SCAF4: variants seen among roughly 807,000 people sequenced by gnomAD.
The protein encoded by SCAF4 is SR-related and CTD-associated factor 4.
In SCAF4, 25 loss-of-function variants were observed where a neutral mutation model predicts 129.8. The observed-to-expected ratio is 0.19, with a 90% CI of 0.14 to 0.27. SCAF4 has a LOEUF of 0.27. Among genes scored for constraint, SCAF4 ranks in the 10% least tolerant of loss-of-function variants. The pLI, the probability that SCAF4 is intolerant of heterozygous loss-of-function variation, is 1.00. For missense variants in SCAF4, 1,246 were observed against 1,457.1 expected (o/e 0.86, Z 2.36); for synonymous variants, 551 against 497.7 (o/e 1.11, Z -1.43).
intron 19 of SCAF4, among the ~76,000 whole-genome samples, chr21:31,673,585 G>C (rs1165171873): frequency 6.7e-6 from 1 of 149,066 alleles, no homozygotes; most frequent in Non-Finnish European, 1.5e-5. Flanking sequence ...CAATGAACAA[G>C]TACAGGACAC....
At chr21:31,679,518 C>A (rs1396673705) in intron 19 of SCAF4, among the ~76,000 whole-genome samples, 2 of 151,796 alleles carry the variant, frequency 1.3e-5, no homozygotes, top group African/African-American at 4.8e-5. Flanking sequence ...CTGAGAGCTG[C>A]GGAAAATGGA....
chr21:31,679,815 A>AG (rs1197773810), intron 19 of SCAF4, among the ~76,000 whole-genome samples: 2 of 152,244 alleles, frequency 1.3e-5, no homozygotes, highest in Admixed American at 6.5e-5. Context: ...AATGTACAGT[A>AG]GGCTCTGCAT....
chr21:31,721,214 C>A (rs1240185402), intron 1 of SCAF4, among the ~76,000 whole-genome samples: 1 of 152,098 alleles, frequency 6.6e-6, no homozygotes, highest in Non-Finnish European at 1.5e-5. Context: ...TAAAATATAT[C>A]CCTATATTTG....
chr21:31,685,146 C>A lies in SCAF4; in HGVS notation c.2391G>T (p.Glu797Asp). 6.2e-7 allele frequency: 1 copy of A among 1,613,138 alleles called. No individual in the cohort carries two copies. Among genetic ancestry groups the A allele is most frequent in the Non-Finnish European group, 8.5e-7 (1 of 1,179,802 alleles). ...CATACATTTTCACGCTGTCACCAGA[C>A]TCGGCGTTTCCTCTAGCCCCAGACA... is the stretch of plus-strand genomic sequence containing the variant. ...TVVSGARGNA[E>D]SGDSVKMYGS... Residue 797 changes from glutamate to aspartate, a missense_variant, in exon 19 of 20, where the codon GAG becomes GAT. Around this residue, in one of 6 missense-constraint regions of SCAF4, gnomAD observed 468 missense variants for 605.5 expected, o/e 0.77. Transcript: ENST00000286835.
intron 19 of SCAF4, among the ~76,000 whole-genome samples, chr21:31,672,785 G>A (rs763978606): frequency 1.2e-4 from 18 of 152,046 alleles, no homozygotes; most frequent in Non-Finnish European, 2.2e-4. Flanking sequence ...TTTACACCCC[G>A]TCTTATTACT....
Position 31,671,200 on chromosome 21 carries a change from ATATT to A in SCAF4, c.*195_*198del, listed in dbSNP as rs1325404977. ...TTAAAAAGTTACAGCAAAAAGGGTAATATTTATTCATATTTTCAGTATTTTTTGT... is the reference window on the plus strand; with the variant it reads ...TTAAAAAGTTACAGCAAAAAGGGTAATATTCATATTTTCAGTATTTTTTGT... On this transcript the variant is annotated 3_prime_UTR_variant, in exon 20 of 20. Coordinates refer to ENST00000286835, the MANE Select transcript of SCAF4 (RefSeq NM_020706.2). 4.6e-5 allele frequency: 22 copies of A among 479,472 alleles called. No homozygotes were observed. Among genetic ancestry groups the A allele is most frequent in the East Asian group, 9.4e-5 (3 of 31,792 alleles). The allele number at this position is 479,472 out of a possible 1,614,324, so 29.7% of individuals were successfully genotyped here.
chr21:31,706,577 C>T (rs1360643724), intron 1 of SCAF4: 6 of 519,794 alleles, frequency 1.2e-5, no homozygotes, highest in Admixed American at 7.4e-5. Flanking sequence ...TTAGCTCTGC[C>T]AAAGGGGTGG....
chr21:31,722,574 A>G (rs891180855), intron 1 of SCAF4, among the ~76,000 whole-genome samples: 1 of 152,220 alleles, frequency 6.6e-6, no homozygotes, highest in Non-Finnish European at 1.5e-5. Context: ...GTGAATATCA[A>G]AAGTGGTTAT....
rs573017720 is a variant in SCAF4, at chr21:31,677,260, A to C, written c.2489-4906T>G. On this transcript the variant is annotated intron_variant, in intron 19 of 19. Coordinates refer to ENST00000286835, the MANE Select transcript of SCAF4 (RefSeq NM_020706.2). ...CCTGGATCTGTCCCCTCTCACCTAC[A>C]TAACAACCGAGCACATAGCCCTTCT... 4.6e-5 allele frequency among the ~76,000 whole-genome samples: 7 copies of C among 152,186 alleles called. No individual in the cohort carries two copies. In the East Asian group the frequency reaches 9.7e-4, roughly 21 times the overall value.
intron 1 of SCAF4, among the ~76,000 whole-genome samples, chr21:31,731,307 G>A (rs572443474): frequency 6.6e-6 from 1 of 152,334 alleles, no homozygotes; most frequent in South Asian, 2.1e-4. Flanking sequence ...TCCCGGCACT[G>A]CGAACCCGAC....
chr21:31,708,053 CTT>C (rs2050709768), intron 1 of SCAF4, among the ~76,000 whole-genome samples: 1 of 152,124 alleles, frequency 6.6e-6, no homozygotes, highest in Non-Finnish European at 1.5e-5. Context: ...AAAAAATTAT[CTT>C]TGAGAATAAA....
At chr21:31,673,080 T>C (rs2049752630) in intron 19 of SCAF4, among the ~76,000 whole-genome samples, 1 of 152,222 alleles carries the variant, frequency 6.6e-6, no homozygotes, top group Admixed American at 6.5e-5. Context: ...TTTCTATTCA[T>C]TCTTCCAAAG....
Position 31,701,077 on chromosome 21 carries a change from G to A in SCAF4, c.695C>T (p.Ala232Val), listed in dbSNP as rs761011259. ...TTGTGTAGGAGTTGTCTTTAACTGA[G>A]CTGTGATAGCCTGAACCTGAGCCAT... ...AVMAQVQAIT[A>V]QLKTTPTQPS... Residue 232 changes from alanine to valine, a missense_variant, in exon 7 of 20, where the codon GCT becomes GTT. Physicochemically the swap from Ala to Val is moderately conservative, Grantham distance 64. Coordinates refer to ENST00000286835, the MANE Select transcript of SCAF4 (RefSeq NM_020706.2). 1.9e-6 allele frequency: 3 copies of A among 1,614,106 alleles called. No individual in the cohort carries two copies. Among genetic ancestry groups the A allele is most frequent in the Non-Finnish European group, 1.7e-6 (2 of 1,179,994 alleles).
intron 7 of SCAF4, among the ~76,000 whole-genome samples, chr21:31,698,578 A>G (rs958507100): frequency 1.3e-5 from 2 of 152,166 alleles, no homozygotes; most frequent in African/African-American, 4.8e-5. Context: ...TGTTGCTGTG[A>G]AGGTGTTTTT....
intron 1 of SCAF4, among the ~76,000 whole-genome samples, chr21:31,707,449 T>G (rs2050695038): frequency 6.6e-6 from 1 of 152,078 alleles, no homozygotes; most frequent in Non-Finnish European, 1.5e-5. Context: ...AACCACATAC[T>G]TCCCCCAAAG....
chr21:31,673,309 T>C (rs1341730951), intron 19 of SCAF4, among the ~76,000 whole-genome samples: 1 of 152,156 alleles, frequency 6.6e-6, no homozygotes, highest in Non-Finnish European at 1.5e-5. Flanking sequence ...TATAATACTA[T>C]GATTGAAAGG....
Position 31,692,033 on chromosome 21 carries a change from C to CTA in SCAF4, c.1615-105_1615-104dup. On this transcript the variant is annotated intron_variant, in intron 13 of 19. Coordinates refer to ENST00000286835, the MANE Select transcript of SCAF4 (RefSeq NM_020706.2). ...CAACAATCCCATCCCTCACCCCATG[C>CTA]TATATAATGTAAGGTTAAATTCATT... is the stretch of plus-strand genomic sequence containing the variant. 6 of 632,632 alleles carry CTA rather than the reference C, an allele frequency of 9.5e-6. No homozygotes were observed. In the South Asian group the frequency reaches 1.3e-4, roughly 14 times the overall value. The allele number at this position is 632,632 out of a possible 1,614,324, so 39.2% of individuals were successfully genotyped here. A position where few individuals can be genotyped will look rare whatever the true frequency, so the allele number is the denominator to read the frequency against.
At chr21:31,703,709 C>A in intron 4 of SCAF4, 56 bp downstream of exon 4, 1 of 957,044 alleles carries the variant, frequency 1.0e-6, no homozygotes, top group Non-Finnish European at 1.5e-6. Flanking sequence ...ATCTAACATA[C>A]ATTTAAAATA....
At position 31,694,029 on chromosome 21, in the gene SCAF4, G is replaced by GT. The variant is rs565283800; in HGVS notation, c.1322+174dup. Among the ~76,000 whole-genome samples, 411 of 146,020 alleles carry GT rather than the reference G, an allele frequency of 2.8e-3. 2 individuals carry two copies. Among genetic ancestry groups the GT allele is most frequent in the African/African-American group, 5.8e-3 (232 of 40,170 alleles). ...GAAAAAAAGTAAGATGAATGATGTA[G>GT]TTTTTTTTTTTACATCAATACTTCA... On this transcript the variant is annotated intron_variant, in intron 11 of 19. Coordinates refer to ENST00000286835, the MANE Select transcript of SCAF4 (RefSeq NM_020706.2).
Sources: gnomAD v4.1 joint callset for allele counts (sites outside exome capture counted in the v4.1 genomes callset) on GRCh38, gnomAD v4.1.1 for gene constraint, gnomAD v4.1.1 regional missense constraint, MANE v1.5 for transcripts, NCBI Gene and HGNC (gene_info 2026-07-23, HGNC 2026-07-21) for gene names.